Variants in XRN2 observed in about 807,000 individuals in gnomAD.
XRN2 encodes the protein DHM1-like protein.
In XRN2, 44 loss-of-function variants were observed where a neutral mutation model predicts 138.5. The ratio of observed to expected loss-of-function variants is 0.32; its 90% CI spans 0.25 to 0.41. The LOEUF (loss-of-function observed/expected upper bound fraction) is 0.41. Ranked by LOEUF, XRN2 falls within the 10% of genes least tolerant of loss-of-function variation. XRN2 has a pLI of 1.00. For missense variants in XRN2, 937 were observed against 1,169.3 expected, an observed-to-expected ratio of 0.80 and a Z score of 2.90; for synonymous variants, 354 against 369.4, an observed-to-expected ratio of 0.96 and a Z score of 0.48.
intron 24 of XRN2, among the ~76,000 whole-genome samples, chr20:21,358,420 A>G (rs901827687): frequency 2.0e-5 from 3 of 152,188 alleles, no homozygotes; most frequent in Non-Finnish European, 4.4e-5. Flanking sequence ...TTGACTACTC[A>G]TTTGTATTTT....
intron 14 of XRN2, among the ~76,000 whole-genome samples, 168 bp from the exon 15 acceptor site, chr20:21,340,553 A>C (rs1171808894): frequency 3.9e-5 from 6 of 152,250 alleles, no homozygotes; most frequent in Admixed American, 3.9e-4. Flanking sequence ...TTACCATCAA[A>C]TCAAAGTGTA....
chr20:21,321,772 T>G (rs1036285128), intron 1 of XRN2, among the ~76,000 whole-genome samples: 2 of 152,346 alleles, frequency 1.3e-5, no homozygotes, highest in East Asian at 3.9e-4. Flanking sequence ...TTTAAATGTT[T>G]TTGTTTTAAA....
intron 27 of XRN2, among the ~76,000 whole-genome samples, chr20:21,371,526 T>C (rs1292939191): frequency 6.6e-6 from 1 of 152,266 alleles, no homozygotes; most frequent in Non-Finnish European, 1.5e-5. Context: ...ATAACATTTC[T>C]AGGTATTTCC....
Position 21,368,509 on chromosome 20 carries a change from G to A in XRN2, c.2503G>A (p.Ala835Thr), listed in dbSNP as rs1416030083. 2 of 1,613,888 alleles carry A rather than the reference G, an allele frequency of 1.2e-6. No homozygotes were observed. Among genetic ancestry groups the A allele is most frequent in the Non-Finnish European group, 1.7e-6 (2 of 1,179,950 alleles). ...AGGAACTGGCATTTACAGCAATGCT[G>A]CACCACCACCTGTGACTTACCAGGG... ...GSGTGIYSNA[A>T]PPPVTYQGNL... The change falls in exon 27 of 30, where the codon GCA (alanine) becomes ACA (threonine). Residue 835 changes from alanine to threonine, a missense_variant. Around this residue, in one of 6 missense-constraint regions of XRN2, gnomAD observed 372 missense variants for 414.4 expected, o/e 0.90. Coordinates refer to ENST00000377191, the MANE Select transcript of XRN2 (RefSeq NM_012255.5).
chr20:21,320,141 A>C (rs1476062385), intron 1 of XRN2, among the ~76,000 whole-genome samples: 4 of 151,896 alleles, frequency 2.6e-5, no homozygotes, highest in Admixed American at 1.3e-4. Flanking sequence ...TCTTTATGTC[A>C]CCCCAGTTTT....
At chr20:21,331,855 A>T (rs749762957) in intron 8 of XRN2, 37 bp downstream of exon 8, 1 of 1,604,176 alleles carries the variant, frequency 6.2e-7, no homozygotes, top group East Asian at 2.2e-5. Flanking sequence ...CTTTTGGATT[A>T]AACCATAGCA....
At position 21,341,851 on chromosome 20, in the gene XRN2, C is replaced by CT. The variant is rs942222018; in HGVS notation, c.1410+1009dup. On this transcript the variant is annotated intron_variant, in intron 15 of 29. Transcript: ENST00000377191. ...TATATGCCCTGTTGATGGTAGAGTACTTTTTTTTTTAAATCTTGGGAGGCA... is the reference window on the plus strand; with the variant it reads ...TATATGCCCTGTTGATGGTAGAGTACTTTTTTTTTTTAAATCTTGGGAGGCA... Among the ~76,000 whole-genome samples the CT allele has an allele frequency of 2.2e-3, 330 of 149,356 alleles. 1 individual carries two copies. Among genetic ancestry groups the CT allele is most frequent in the African/African-American group, 7.6e-3 (312 of 40,800 alleles).
chr20:21,348,105 A>G (rs375728101), intron 17 of XRN2, 41 bp from the exon 18 acceptor site: 239 of 1,550,964 alleles, frequency 1.5e-4, no homozygotes, highest in Non-Finnish European at 1.9e-4. Context: ...CATCATTAAC[A>G]TAGGTTTTTG....
chr20:21,317,837 C>G (rs913931685), intron 1 of XRN2, among the ~76,000 whole-genome samples: 2 of 152,054 alleles, frequency 1.3e-5, no homozygotes, highest in African/African-American at 4.8e-5. Flanking sequence ...TTGACAGATA[C>G]GGAGGGCTGA....
chr20:21,351,610 CTT>C (rs1184655481), intron 20 of XRN2, among the ~76,000 whole-genome samples: 1 of 152,056 alleles, frequency 6.6e-6, no homozygotes, highest in African/African-American at 2.4e-5. Context: ...TCAAGTTTAT[CTT>C]TTTTGTTGTT....
chr20:21,368,546 G>A lies in XRN2; in HGVS notation c.2540G>A (p.Arg847Lys), dbSNP rs1160577227. Reference protein sequence around the residue: ...PPVTYQGNLYRPLLRGQAQIP... With the variant: ...PPVTYQGNLYKPLLRGQAQIP... The stretch of plus-strand genomic sequence containing the variant: ...GTGACTTACCAGGGAAACTTATACA[G>A]GCCGCTTTTGAGAGGACAAGCCCAG... The change falls in exon 27 of 30, where the codon AGG becomes AAG. Residue 847 changes from arginine to lysine, a missense_variant. Coordinates refer to ENST00000377191, the MANE Select transcript of XRN2 (RefSeq NM_012255.5). 1 of 1,613,898 alleles carries A rather than the reference G, an allele frequency of 6.2e-7. No homozygotes were observed. Among genetic ancestry groups the A allele is most frequent in the African/African-American group, 1.3e-5 (1 of 74,890 alleles).
chr20:21,347,525 G>A (rs960766977), intron 17 of XRN2, among the ~76,000 whole-genome samples: 2 of 152,178 alleles, frequency 1.3e-5, no homozygotes, highest in African/African-American at 4.8e-5. Context: ...CTCTGTTTGC[G>A]TTTTACTCCT....
At chr20:21,352,782 T>C (rs1194547747) in intron 20 of XRN2, among the ~76,000 whole-genome samples, 6 of 152,330 alleles carry the variant, frequency 3.9e-5, no homozygotes, top group Non-Finnish European at 8.8e-5. Flanking sequence ...AGTTAAGACC[T>C]GAACTCAGAA....
In XRN2 at chr20:21,389,256, C is replaced by G. The variant is rs376888584; in HGVS notation, c.2788-17C>G. On this transcript the variant is annotated splice_polypyrimidine_tract_variant and intron_variant, in intron 29 of 29. Coordinates refer to ENST00000377191, the MANE Select transcript of XRN2 (RefSeq NM_012255.5). ...TATCGGTCCAGAAAATAAACTCTTT[C>G]TTTTGTTTATTTTCAGGGATATCCC... is the stretch of plus-strand genomic sequence containing the variant. 12 of 1,607,536 alleles carry G rather than the reference C, an allele frequency of 7.5e-6. No individual in the cohort carries two copies. In the African/African-American group the frequency reaches 1.5e-4, roughly 20 times the overall value.
chr20:21,328,615 A>T lies in XRN2; in HGVS notation c.372A>T (p.Glu124Asp). The change falls in exon 4 of 30, where the codon GAA becomes GAT. Residue 124 changes from glutamate to aspartate, a missense_variant. Transcript: ENST00000377191. ...CAAGGAGGTTCAGGGCATCAAAAGA[A>T]GGAATGGAAGCAGCAGTCGAGAAGC... ...QRSRRFRASKEGMEAAVEKQR... is the reference protein window; with the variant it reads ...QRSRRFRASKDGMEAAVEKQR... The T allele has an allele frequency of 6.2e-7, 1 of 1,614,152 alleles. No homozygotes were observed. Among genetic ancestry groups the T allele is most frequent in the Non-Finnish European group, 8.5e-7 (1 of 1,180,004 alleles).
intron 13 of XRN2, among the ~76,000 whole-genome samples, chr20:21,338,246 TC>T (rs2038323215): frequency 6.6e-6 from 1 of 152,174 alleles, no homozygotes; most frequent in Admixed American, 6.5e-5. Context: ...TCATTTCAGT[TC>T]CTTGATACTC....
chr20:21,389,584 G>T lies in XRN2; in HGVS notation c.*246G>T. 3.0e-6 allele frequency: 1 copy of T among 334,548 alleles called. No individual in the cohort carries two copies. Among genetic ancestry groups the T allele is most frequent in the South Asian group, 6.3e-5 (1 of 15,812 alleles). The allele number at this position is 334,548 out of a possible 1,614,324, so 20.7% of individuals were successfully genotyped here. A position where few individuals can be genotyped will look rare whatever the true frequency, so the allele number is the denominator to read the frequency against. On this transcript the variant is annotated 3_prime_UTR_variant, in exon 30 of 30. Coordinates refer to ENST00000377191, the MANE Select transcript of XRN2 (RefSeq NM_012255.5). ...ACACATTTGATGGAATAGGAGTACTGGTTTTTCATAATGGTTAAAAATGAA... is the reference window on the plus strand; with the variant it reads ...ACACATTTGATGGAATAGGAGTACTTGTTTTTCATAATGGTTAAAAATGAA...
intron 27 of XRN2, among the ~76,000 whole-genome samples, chr20:21,378,767 G>T (rs1183794562): frequency 6.6e-6 from 1 of 152,076 alleles, no homozygotes; most frequent in Non-Finnish European, 1.5e-5. Flanking sequence ...CATTTTCTTC[G>T]TGTAGTATGA....
intron 1 of XRN2, among the ~76,000 whole-genome samples, chr20:21,312,001 C>G (rs1243792999): frequency 6.6e-6 from 1 of 151,740 alleles, no homozygotes; most frequent in Non-Finnish European, 1.5e-5. Flanking sequence ...TCTCAAAAGA[C>G]AAAAAAAGAT....
Sources: gnomAD v4.1 joint callset for allele counts (sites outside exome capture counted in the v4.1 genomes callset) on GRCh38, gnomAD v4.1.1 for gene constraint, gnomAD v4.1.1 regional missense constraint, MANE v1.5 for transcripts, NCBI Gene and HGNC (gene_info 2026-07-23, HGNC 2026-07-21) for gene names.